Variants in HCRTR2 observed in about 807,000 individuals in gnomAD.
HCRTR2 encodes the protein orexin receptor type 2.
HCRTR2 carries 22 observed loss-of-function variants against 49.0 expected under a neutral mutation model. The ratio of observed to expected loss-of-function variants is 0.45; its 90% CI spans 0.32 to 0.64. HCRTR2 has a LOEUF of 0.64. Among genes scored for constraint, HCRTR2 ranks in the 30% least tolerant of loss-of-function variants. The pLI is 0.04. For synonymous variants in HCRTR2, 236 were observed against 205.3 expected (o/e 1.15, Z -1.28); for missense variants, 491 against 559.4 (o/e 0.88, Z 1.23).
At chr6:55,284,009 C>T (rs1005574269), downstream of HCRTR2, among the ~76,000 whole-genome samples, 2 of 152,134 alleles carry the variant, frequency 1.3e-5, no homozygotes, top group African/African-American at 4.8e-5. Context: ...TCTCCTTTCT[C>T]CCCTTTGTAT....
intron 1 of HCRTR2, among the ~76,000 whole-genome samples, chr6:55,238,548 A>G (rs1387608854): frequency 6.6e-6 from 1 of 152,168 alleles, no homozygotes; most frequent in African/African-American, 2.4e-5. Flanking sequence ...TTTTAACTGA[A>G]TACACACACA....
intron 1 of HCRTR2, among the ~76,000 whole-genome samples, chr6:55,119,698 G>T (rs1265935238): frequency 6.6e-6 from 1 of 150,878 alleles, no homozygotes; most frequent in Admixed American, 6.6e-5. Context: ...AGATTGCAAA[G>T]TTTTCTCCCA....
chr6:55,268,441 A>G (rs1013076379), intron 4 of HCRTR2, among the ~76,000 whole-genome samples: 1 of 152,144 alleles, frequency 6.6e-6, no homozygotes, highest in Non-Finnish European at 1.5e-5. Flanking sequence ...ATAATTTAAA[A>G]AAACCCATGA....
Position 55,263,694 on chromosome 6 carries a change from A to G in HCRTR2, c.647-13A>G, listed in dbSNP as rs202113562. ...TGTAACGTAAGGTTTTGTTGTTTTG[A>G]CTTTCATCCTAGGTGAAATTTATCC... On this transcript the variant is annotated splice_polypyrimidine_tract_variant and intron_variant, in intron 3 of 6. Coordinates refer to ENST00000370862, the MANE Select transcript of HCRTR2 (RefSeq NM_001384272.1). 5.0e-4 allele frequency: 721 copies of G among 1,454,882 alleles called. 2 individuals are homozygous for G. In the Middle Eastern group the frequency reaches 6.2e-3, roughly 13 times the overall value. 90.1% of individuals were successfully genotyped at this position (1,454,882 alleles called of 1,614,324 possible).
At chr6:55,177,591 A>T (rs1029630600) in intron 1 of HCRTR2, among the ~76,000 whole-genome samples, 1 of 152,212 alleles carries the variant, frequency 6.6e-6, no homozygotes, top group Admixed American at 6.5e-5. Context: ...CTTCAGGTCC[A>T]GTCACCATTT....
At chr6:55,193,086 C>T (rs1010265929) in intron 1 of HCRTR2, among the ~76,000 whole-genome samples, 21 of 152,258 alleles carry the variant, frequency 1.4e-4, no homozygotes, top group African/African-American at 4.1e-4. Flanking sequence ...AGTGAGAGAA[C>T]ATTCATGTGT....
chr6:55,174,749 G>A lies in HCRTR2; in HGVS notation c.162G>A (p.Glu54=), dbSNP rs1265430139. The A allele has an allele frequency of 6.2e-7, 1 of 1,613,568 alleles. No individual in the cohort carries two copies. Among genetic ancestry groups the A allele is most frequent in the South Asian group, 1.1e-5 (1 of 91,074 alleles). Residue 54 remains glutamate (E), a synonymous_variant, in exon 1 of 7, where the codon GAG becomes GAA. Coordinates refer to ENST00000370862, the MANE Select transcript of HCRTR2 (RefSeq NM_001384272.1). ...AATACCTGCACCCGAAAGAATATGA[G>A]TGGGTCCTGATCGCCGGGTACATCA... ...WREYLHPKEY[E]WVLIAGYIIV...
chr6:55,273,925 T>C (rs1317752820), intron 4 of HCRTR2, among the ~76,000 whole-genome samples: 3 of 152,042 alleles, frequency 2.0e-5, no homozygotes, highest in Admixed American at 2.0e-4. Context: ...AAACACTCAA[T>C]GTACCTTTAT....
chr6:55,272,846 CCTT>C (rs901113046), intron 4 of HCRTR2, among the ~76,000 whole-genome samples: 3 of 143,524 alleles, frequency 2.1e-5, no homozygotes, highest in Non-Finnish European at 4.5e-5. Context: ...AGAGGGAAAA[CCTT>C]TTTTTTTTTT....
intron 1 of HCRTR2, among the ~76,000 whole-genome samples, chr6:55,188,770 A>T (rs1381973000): frequency 1.3e-5 from 2 of 152,212 alleles, no homozygotes; most frequent in Non-Finnish European, 2.9e-5. Flanking sequence ...AAACTATAGT[A>T]TGAGGATTAC....
upstream of HCRTR2, among the ~76,000 whole-genome samples, chr6:55,173,593 A>G (rs1764982593): frequency 6.6e-6 from 1 of 152,186 alleles, no homozygotes; most frequent in Non-Finnish European, 1.5e-5. Context: ...GGGATGTGGT[A>G]TTTACCAGAG....
intron 1 of HCRTR2, among the ~76,000 whole-genome samples, chr6:55,219,594 C>T (rs565609354): frequency 6.6e-6 from 1 of 151,936 alleles, no homozygotes; most frequent in Admixed American, 6.6e-5. Flanking sequence ...TAAGTGACTA[C>T]ATTATAAAAG....
chr6:55,258,530 T>G (rs1456549982), intron 3 of HCRTR2, among the ~76,000 whole-genome samples: 2 of 152,148 alleles, frequency 1.3e-5, no homozygotes, highest in East Asian at 1.9e-4. Context: ...TGCCTATTAC[T>G]TCTTCATAAA....
At chr6:55,223,633 A>G (rs896357337) in intron 1 of HCRTR2, among the ~76,000 whole-genome samples, 1 of 152,176 alleles carries the variant, frequency 6.6e-6, no homozygotes, top group African/African-American at 2.4e-5. Context: ...CTCTAGATTT[A>G]TTCTCTGTTG....
intron 1 of HCRTR2, among the ~76,000 whole-genome samples, chr6:55,164,993 A>G (rs1322798604): frequency 6.6e-6 from 1 of 152,180 alleles, no homozygotes; most frequent in Admixed American, 6.5e-5. Flanking sequence ...TTAAAAATTC[A>G]TGCAGAAATT....
chr6:55,167,464 C>T (rs1172841208), intron 1 of HCRTR2, among the ~76,000 whole-genome samples: 3 of 151,950 alleles, frequency 2.0e-5, no homozygotes, highest in African/African-American at 7.3e-5. Context: ...ACATGCCCCA[C>T]CTGCTGCTCA....
chr6:55,186,280 A>T (rs1765214917), intron 1 of HCRTR2, among the ~76,000 whole-genome samples: 2 of 152,194 alleles, frequency 1.3e-5, no homozygotes, highest in African/African-American at 4.8e-5. Flanking sequence ...ACATTTTTTA[A>T]ATTAAGCATT....
At chr6:55,259,280 T>C (rs571273302) in intron 3 of HCRTR2, among the ~76,000 whole-genome samples, 1 of 152,144 alleles carries the variant, frequency 6.6e-6, no homozygotes, top group East Asian at 1.9e-4. Flanking sequence ...TCTGGCCTAT[T>C]ATGAGGTTTG....
chr6:55,226,313 AT>A (rs1215325748), intron 1 of HCRTR2, among the ~76,000 whole-genome samples: 1 of 151,690 alleles, frequency 6.6e-6, no homozygotes, highest in Non-Finnish European at 1.5e-5. Context: ...TGAAACTGCA[AT>A]TTTTTTTCTT....
Sources: allele counts gnomAD v4.1 joint callset (sites outside exome capture counted in the v4.1 genomes callset), GRCh38; gene constraint gnomAD v4.1.1; transcripts MANE v1.5; gene names NCBI Gene and HGNC (gene_info 2026-07-23, HGNC 2026-07-21).